MTR: variants seen among roughly 807,000 people sequenced by gnomAD.
The protein encoded by MTR is methionine synthase.
In MTR, 84 loss-of-function variants were observed where a neutral mutation model predicts 154.8. The ratio of observed to expected loss-of-function variants is 0.54; its 90% CI spans 0.45 to 0.65. The LOEUF is 0.65. Ranked by LOEUF, MTR falls within the 30% of genes least tolerant of loss-of-function variation. The pLI is 0.00. For missense variants in MTR, 1,275 were observed against 1,570.2 expected (o/e 0.81, Z 3.18); for synonymous variants, 554 against 553.9 (o/e 1.00, Z 0.00).
intron 8 of MTR, among the ~76,000 whole-genome samples, chr1:236,818,385 T>C (rs10925237): frequency 0.35 from 52,977 of 152,048 alleles, 9,982 homozygotes; most frequent in Non-Finnish European, 0.41. Context: ...TTTAGTTTGC[T>C]GACAGTTCTC....
intron 5 of MTR, among the ~76,000 whole-genome samples, chr1:236,812,408 T>C (rs1661355483): frequency 6.6e-6 from 1 of 152,218 alleles, no homozygotes; most frequent in Non-Finnish European, 1.5e-5. Context: ...TTGATTGAAA[T>C]GAGCTATGGA....
chr1:236,845,639 C>T (rs139544547), intron 15 of MTR, among the ~76,000 whole-genome samples: 44 of 152,238 alleles, frequency 2.9e-4, no homozygotes, highest in African/African-American at 1.0e-3. Flanking sequence ...GCCCAAGTGC[C>T]CAACTGAAGA....
intron 22 of MTR, among the ~76,000 whole-genome samples, chr1:236,865,839 C>A (rs1664794431): frequency 6.7e-6 from 1 of 148,490 alleles, no homozygotes; most frequent in African/African-American, 2.5e-5. Context: ...CCTTTCTTTT[C>A]TTTCATCCTT....
intron 12 of MTR, among the ~76,000 whole-genome samples, chr1:236,829,696 T>C (rs747818961): frequency 3.3e-5 from 5 of 152,204 alleles, no homozygotes; most frequent in South Asian, 4.1e-4. Context: ...ATTCTTGTTG[T>C]AATCTTACAT....
At chr1:236,841,685 C>G (rs1465745222) in intron 15 of MTR, among the ~76,000 whole-genome samples, 1 of 148,600 alleles carries the variant, frequency 6.7e-6, no homozygotes, top group Non-Finnish European at 1.5e-5. Context: ...AGTGCATTCT[C>G]TGATAGCTTC....
chr1:236,820,242 G>T, intron 8 of MTR: 1 of 753,940 alleles, frequency 1.3e-6, no homozygotes, highest in South Asian at 1.4e-5. Flanking sequence ...ATCTCTGCTT[G>T]TACAGAGATC....
intron 24 of MTR, among the ~76,000 whole-genome samples, chr1:236,876,018 T>G (rs1427514418): frequency 6.6e-6 from 1 of 152,122 alleles, no homozygotes; most frequent in Non-Finnish European, 1.5e-5. Context: ...TCTTGTCTCT[T>G]AAAGGTCTTC....
intron 16 of MTR, among the ~76,000 whole-genome samples, chr1:236,851,331 T>G (rs1663890502): frequency 6.6e-6 from 1 of 152,204 alleles, no homozygotes; most frequent in Admixed American, 6.5e-5. Context: ...TTATGCGTTT[T>G]GTTGGTGAGG....
At chr1:236,811,561 A>T (rs915286336) in intron 5 of MTR, 2 of 455,506 alleles carry the variant, frequency 4.4e-6, no homozygotes, top group Non-Finnish European at 8.8e-6. Flanking sequence ...GGTTTATGGA[A>T]CTTTGTGTGC....
Position 236,874,698 on chromosome 1 carries a change from CTTT to C in MTR, c.2474-20_2474-18del, listed in dbSNP as rs150727404. On this transcript the variant is annotated intron_variant, in intron 23 of 32. Transcript: ENST00000366577. ...CATCTTCCTCACTGTCCTTTTTGTCCTTTTTTTTTTAAAAAAAAAAAAAATAGA... is the reference window on the plus strand; with the variant it reads ...CATCTTCCTCACTGTCCTTTTTGTCCTTTTTTTAAAAAAAAAAAAAATAGA... 39,690 of 1,355,820 alleles carry C rather than the reference CTTT, an allele frequency of 0.029. 188 individuals are homozygous for C. Among genetic ancestry groups the C allele is most frequent in the Non-Finnish European group, 0.033 (33,645 of 1,005,820 alleles). The allele number at this position is 1,355,820 out of a possible 1,614,324, so 84.0% of individuals were successfully genotyped here. A position where few individuals can be genotyped will look rare whatever the true frequency, so the allele number is the denominator to read the frequency against.
chr1:236,797,466 G>T (rs1417138776), intron 1 of MTR, among the ~76,000 whole-genome samples: 1 of 152,092 alleles, frequency 6.6e-6, no homozygotes, highest in Non-Finnish European at 1.5e-5. Flanking sequence ...GCTTAGGACT[G>T]TGAGTGTTAT....
intron 15 of MTR, among the ~76,000 whole-genome samples, chr1:236,845,259 G>C (rs1663501210): frequency 6.6e-6 from 1 of 152,136 alleles, no homozygotes; most frequent in Non-Finnish European, 1.5e-5. Flanking sequence ...TCCCAATTTA[G>C]ACTTAACTGT....
At chr1:236,832,242 G>A (rs559491538) in intron 13 of MTR, among the ~76,000 whole-genome samples, 164 bp downstream of exon 13, 4 of 152,310 alleles carry the variant, frequency 2.6e-5, no homozygotes, top group Non-Finnish European at 4.4e-5. Flanking sequence ...GTGGGAGGAC[G>A]AGGCTTTGAA....
chr1:236,795,987 C>T (rs1024375703), intron 1 of MTR, among the ~76,000 whole-genome samples: 7 of 152,238 alleles, frequency 4.6e-5, no homozygotes, highest in African/African-American at 9.6e-5. Flanking sequence ...CTCCCCTCGC[C>T]CCCGAAACAC....
chr1:236,847,172 C>T (rs1029445264), intron 15 of MTR, among the ~76,000 whole-genome samples: 3 of 152,164 alleles, frequency 2.0e-5, no homozygotes, highest in African/African-American at 7.2e-5. Context: ...CAGATGTGAG[C>T]CATTGTACTG....
At chr1:236,809,531 A>C (rs561108915) in intron 4 of MTR, among the ~76,000 whole-genome samples, 16 of 152,372 alleles carry the variant, frequency 1.1e-4, no homozygotes, top group African/African-American at 3.8e-4. Flanking sequence ...TCTGTTTCTA[A>C]GAGATAATGT....
At chr1:236,816,647 G>A in intron 8 of MTR, 104 bp downstream of exon 8, 1 of 930,014 alleles carries the variant, frequency 1.1e-6, no homozygotes, top group Non-Finnish European at 1.8e-6. Flanking sequence ...TATTTTCACT[G>A]TACCACTTCT....
Position 236,895,538 on chromosome 1 carries a change from G to A in MTR, c.3586G>A (p.Glu1196Lys), listed in dbSNP as rs1180692014. 6.4e-7 allele frequency: 1 copy of A among 1,573,344 alleles called. No homozygotes were observed. The highest frequency in any genetic ancestry group is 8.6e-7 in the Non-Finnish European group (1 of 1,158,244). The part of the protein sequence containing the change: ...KLTMWRLADI[E>K]QSTGIRLTES... ...CACCATGTGGAGACTCGCAGACATC[G>A]AGCAGTCTACAGGTAGGAGCCAGGA... Residue 1196 changes from glutamate to lysine, a missense_variant, in exon 31 of 33, where the codon GAG becomes AAG. By Grantham distance (56) the Glu-to-Lys change is moderately conservative (BLOSUM62 1). Coordinates refer to ENST00000366577, the MANE Select transcript of MTR (RefSeq NM_000254.3).
rs1486345638 is a variant in MTR at position 236,869,230 on chromosome 1, A to G, written c.2406-4543A>G. Among the ~76,000 whole-genome samples the G allele has an allele frequency of 3.9e-5, 6 of 152,256 alleles. No homozygotes were observed. In the East Asian group the frequency reaches 1.2e-3, roughly 29 times the overall value. ...AAAAGGACTTTTTGTCTTACATTAC[A>G]GTATTTTTGAAATTCTGTGTATTCT... On this transcript the variant is annotated intron_variant, in intron 22 of 32. Coordinates refer to ENST00000366577, the MANE Select transcript of MTR (RefSeq NM_000254.3).
Sources: gnomAD v4.1 joint callset for allele counts (sites outside exome capture counted in the v4.1 genomes callset) on GRCh38, gnomAD v4.1.1 for gene constraint, MANE v1.5 for transcripts, NCBI Gene and HGNC (gene_info 2026-07-23, HGNC 2026-07-21) for gene names.